PRORP: variants seen among roughly 807,000 people sequenced by gnomAD.
PRORP encodes protein only RNase P catalytic subunit, also known as mitochondrial ribonuclease P catalytic subunit.
PRORP carries 51 observed loss-of-function variants against 59.4 expected under a neutral mutation model. The ratio of observed to expected loss-of-function variants is 0.86; its 90% CI spans 0.69 to 1.08. The LOEUF (loss-of-function observed/expected upper bound fraction) is 1.08. PRORP is among the 50% of genes least tolerant of loss of function. The pLI is 0.00. For synonymous variants in PRORP, 231 were observed against 245.6 expected, an observed-to-expected ratio of 0.94 and a Z score of 0.55; for missense variants, 646 against 690.3, an observed-to-expected ratio of 0.94 and a Z score of 0.72.
intron 5 of PRORP, among the ~76,000 whole-genome samples, chr14:35,227,655 C>G (rs1219066457): frequency 6.6e-6 from 1 of 152,058 alleles, no homozygotes; most frequent in Non-Finnish European, 1.5e-5. Flanking sequence ...CCTTACTTCT[C>G]CCAGGGACTC....
chr14:35,209,123 G>A lies in PRORP; in HGVS notation c.1275+28346G>A, dbSNP rs147369036. 2.8e-3 allele frequency among the ~76,000 whole-genome samples: 424 copies of A among 152,158 alleles called. 2 individuals are homozygous for A. Among genetic ancestry groups the A allele is most frequent in the African/African-American group, 9.5e-3 (394 of 41,508 alleles). ...CAGGAGGCAGAGGTTGCAGTGAGCC[G>A]AGATCGTGCCACTGAACCCCAGCCT... On this transcript the variant is annotated intron_variant, in intron 5 of 7. Coordinates refer to ENST00000534898, the MANE Select transcript of PRORP (RefSeq NM_014672.4).
At chr14:35,232,569 G>T (rs2050109049) in intron 5 of PRORP, among the ~76,000 whole-genome samples, 1 of 152,110 alleles carries the variant, frequency 6.6e-6, no homozygotes, top group African/African-American at 2.4e-5. Context: ...CTAACGTGGT[G>T]TTTCCACCCC....
chr14:35,259,991 G>A (rs947231953), intron 5 of PRORP, among the ~76,000 whole-genome samples: 1 of 124,612 alleles, frequency 8.0e-6, no homozygotes, highest in African/African-American at 2.9e-5. Flanking sequence ...GAGGTTTTTC[G>A]GGTTTTTTTT....
intron 4 of PRORP, among the ~76,000 whole-genome samples, chr14:35,176,676 G>A (rs1055748054): frequency 6.6e-6 from 1 of 152,196 alleles, no homozygotes; most frequent in Admixed American, 6.5e-5. Flanking sequence ...ATACGATCAT[G>A]TCATCTGCAA....
At chr14:35,202,520 G>A (rs2049183034) in intron 5 of PRORP, among the ~76,000 whole-genome samples, 1 of 152,058 alleles carries the variant, frequency 6.6e-6, no homozygotes, top group African/African-American at 2.4e-5. Flanking sequence ...GAGTAGGAAG[G>A]GCACAGATAA....
intron 5 of PRORP, among the ~76,000 whole-genome samples, chr14:35,189,868 T>C (rs1595273274): frequency 6.6e-6 from 1 of 152,134 alleles, no homozygotes; most frequent in Non-Finnish European, 1.5e-5. Flanking sequence ...TCCAGCACTT[T>C]GGGAGGCTGT....
intron 5 of PRORP, among the ~76,000 whole-genome samples, chr14:35,246,929 C>T (rs934921993): frequency 2.0e-5 from 3 of 152,156 alleles, no homozygotes; most frequent in African/African-American, 7.2e-5. Flanking sequence ...CTAATCCCGT[C>T]CCGATTGCGT....
chr14:35,127,374 T>A (rs2047123776), intron 3 of PRORP, 105 bp from the exon 4 acceptor site: 3 of 811,646 alleles, frequency 3.7e-6, no homozygotes, highest in Non-Finnish European at 5.3e-6. Flanking sequence ...TTTAATGTTC[T>A]TTTTTATTAC....
chr14:35,213,795 A>T (rs2049514790), intron 5 of PRORP, among the ~76,000 whole-genome samples: 1 of 152,164 alleles, frequency 6.6e-6, no homozygotes. Context: ...CAATTACAGT[A>T]GTAACATCCA....
chr14:35,191,883 A>G (rs2139088341), intron 5 of PRORP, among the ~76,000 whole-genome samples: 1 of 152,330 alleles, frequency 6.6e-6, no homozygotes, highest in East Asian at 1.9e-4. Context: ...TAACCCCAGT[A>G]GACTGACAAG....
At chr14:35,186,166 T>G (rs2048736333) in intron 5 of PRORP, among the ~76,000 whole-genome samples, 1 of 150,840 alleles carries the variant, frequency 6.6e-6, no homozygotes, top group African/African-American at 2.4e-5. Flanking sequence ...TTTTTTTTTT[T>G]TGTGGAGACG....
At chr14:35,180,817 A>G (rs962085727) in intron 5 of PRORP, 40 bp downstream of exon 5, 12 of 1,285,796 alleles carry the variant, frequency 9.3e-6, no homozygotes, top group African/African-American at 1.5e-5. Context: ...CATCTCTAGA[A>G]ATATTTATTA....
chr14:35,261,544 C>T (rs2050903210), intron 5 of PRORP, among the ~76,000 whole-genome samples: 1 of 152,190 alleles, frequency 6.6e-6, no homozygotes, highest in African/African-American at 2.4e-5. Context: ...GCCCGACCAA[C>T]ATGGCGAAAC....
At chr14:35,198,349 G>T (rs570431410) in intron 5 of PRORP, among the ~76,000 whole-genome samples, 5 of 152,188 alleles carry the variant, frequency 3.3e-5, no homozygotes, top group Non-Finnish European at 5.9e-5. Context: ...GTTACGAACC[G>T]GTGAATGGAT....
chr14:35,262,626 G>A (rs952571337), intron 5 of PRORP: 14 of 744,300 alleles, frequency 1.9e-5, no homozygotes, highest in African/African-American at 1.9e-4. Flanking sequence ...GAGGCTCCAG[G>A]TTGATAAATG....
intron 4 of PRORP, among the ~76,000 whole-genome samples, chr14:35,175,380 T>C (rs1157053465): frequency 6.6e-6 from 1 of 151,904 alleles, no homozygotes; most frequent in Non-Finnish European, 1.5e-5. Flanking sequence ...GTGTTCTTAC[T>C]TCTCCACATC....
In PRORP at chr14:35,277,237, G is replaced by C. The variant is rs2051308041; in HGVS notation, c.*3671G>C. On this transcript the variant is annotated 3_prime_UTR_variant, in exon 8 of 8. Coordinates refer to ENST00000534898, the MANE Select transcript of PRORP (RefSeq NM_014672.4). ...GACGGGTTTTCACCATGTTGCCCCG[G>C]TTGCTCTCAAACTCCTGACCTCAGG... 1 of 152,254 alleles carries C rather than the reference G, an allele frequency of 6.6e-6. No homozygotes were observed. The highest frequency in any genetic ancestry group is 2.4e-5 in the African/African-American group (1 of 41,426). 9.4% of individuals were successfully genotyped at this position (152,254 alleles called of 1,614,324 possible). A position where few individuals can be genotyped will look rare whatever the true frequency, so the allele number is the denominator to read the frequency against.
chr14:35,245,718 C>A (rs2050465993), intron 5 of PRORP, among the ~76,000 whole-genome samples: 1 of 152,176 alleles, frequency 6.6e-6, no homozygotes, highest in Non-Finnish European at 1.5e-5. Flanking sequence ...TCTTGAGTCA[C>A]TTTTCAATCT....
At chr14:35,143,520 A>T (rs1158766945) in intron 4 of PRORP, among the ~76,000 whole-genome samples, 1 of 146,236 alleles carries the variant, frequency 6.8e-6, no homozygotes, top group African/African-American at 2.4e-5. Flanking sequence ...TAACATTTTT[A>T]TAGAAAATAA....
Sources: gnomAD v4.1 joint callset for allele counts (sites outside exome capture counted in the v4.1 genomes callset) on GRCh38, gnomAD v4.1.1 for gene constraint, MANE v1.5 for transcripts, NCBI Gene and HGNC (gene_info 2026-07-23, HGNC 2026-07-21) for gene names.